The following KCNH1 variants were observed in gnomAD, a reference collection of about 807,000 sequenced individuals.
KCNH1 encodes potassium voltage-gated channel subfamily H member 1, also known as voltage-gated delayed rectifier potassium channel KCNH1.
Under a neutral mutation model 69.2 loss-of-function variants are expected in KCNH1, and 27 were observed. The ratio of observed to expected loss-of-function variants is 0.39; its 90% CI spans 0.29 to 0.54. The LOEUF is 0.54. Ranked by LOEUF, KCNH1 falls within the 20% of genes least tolerant of loss-of-function variation. The pLI, the probability that KCNH1 is intolerant of heterozygous loss-of-function variation, is 0.68. For missense variants in KCNH1, 798 were observed against 1,261.6 expected (o/e 0.63, Z 5.57); for synonymous variants, 456 against 487.7 (o/e 0.93, Z 0.86).
At chr1:210,812,580 A>C (rs1684728533) in intron 7 of KCNH1, among the ~76,000 whole-genome samples, 1 of 152,214 alleles carries the variant, frequency 6.6e-6, no homozygotes, top group South Asian at 2.1e-4. Flanking sequence ...CAGTCTTATC[A>C]TTCTTAATTC....
chr1:211,081,351 C>T (rs1377040887), intron 5 of KCNH1, among the ~76,000 whole-genome samples: 2 of 152,198 alleles, frequency 1.3e-5, no homozygotes, highest in Admixed American at 1.3e-4. Flanking sequence ...GAAATAGGAA[C>T]ACTTCTACAC....
At chr1:210,740,172 A>G (rs1363212985) in intron 10 of KCNH1, among the ~76,000 whole-genome samples, 1 of 152,192 alleles carries the variant, frequency 6.6e-6, no homozygotes, top group East Asian at 1.9e-4. Flanking sequence ...ACAGACAGAT[A>G]AAGATGAACA....
chr1:211,080,146 A>C (rs1690823970), intron 5 of KCNH1, among the ~76,000 whole-genome samples: 1 of 152,212 alleles, frequency 6.6e-6, no homozygotes, highest in Non-Finnish European at 1.5e-5. Flanking sequence ...CAATGTGCAA[A>C]AATCACAAGC....
chr1:210,957,476 C>T (rs922554907), intron 6 of KCNH1, among the ~76,000 whole-genome samples: 9 of 151,850 alleles, frequency 5.9e-5, no homozygotes, highest in African/African-American at 1.2e-4. Context: ...CCTTCTTAAC[C>T]TTCTATCTCC....
intron 9 of KCNH1, among the ~76,000 whole-genome samples, chr1:210,793,966 C>T (rs961496480): frequency 6.6e-5 from 10 of 152,166 alleles, no homozygotes; most frequent in Non-Finnish European, 7.3e-5. Context: ...GCTATATCCC[C>T]ACCCCTATGA....
chr1:211,100,326 A>G (rs186047907), intron 3 of KCNH1, among the ~76,000 whole-genome samples: 5 of 151,992 alleles, frequency 3.3e-5, no homozygotes, highest in Non-Finnish European at 4.4e-5. Flanking sequence ...CTCCAACCTC[A>G]TATTACTTCT....
chr1:210,822,848 C>G (rs1684958216), intron 7 of KCNH1, among the ~76,000 whole-genome samples: 1 of 152,176 alleles, frequency 6.6e-6, no homozygotes, highest in African/African-American at 2.4e-5. Flanking sequence ...GCTTTCACTT[C>G]TGTCTCAACA....
At chr1:210,995,154 T>C (rs1689005226) in intron 6 of KCNH1, among the ~76,000 whole-genome samples, 1 of 152,214 alleles carries the variant, frequency 6.6e-6, no homozygotes, top group South Asian at 2.1e-4. Flanking sequence ...CACACAATTC[T>C]GACCACTGAG....
intron 6 of KCNH1, among the ~76,000 whole-genome samples, chr1:210,930,177 A>G (rs902955411): frequency 6.6e-6 from 1 of 152,192 alleles, no homozygotes; most frequent in Non-Finnish European, 1.5e-5. Flanking sequence ...ACTAGAAAAA[A>G]CAATCCTAAA....
intron 9 of KCNH1, among the ~76,000 whole-genome samples, chr1:210,793,454 T>C (rs1684248535): frequency 6.6e-6 from 1 of 152,264 alleles, no homozygotes. Flanking sequence ...TGCAATGTAA[T>C]ATACATTTCA....
At chr1:211,000,659 C>G (rs971119090) in intron 6 of KCNH1, among the ~76,000 whole-genome samples, 3 of 152,198 alleles carry the variant, frequency 2.0e-5, no homozygotes, top group African/African-American at 7.2e-5. Flanking sequence ...TTGGAAAAAA[C>G]TACTTTAAAG....
intron 10 of KCNH1, among the ~76,000 whole-genome samples, chr1:210,707,960 A>G (rs547904129): frequency 8.5e-5 from 13 of 152,302 alleles, no homozygotes; most frequent in Non-Finnish European, 1.3e-4. Flanking sequence ...TGCTTTAGCT[A>G]TGATACTGGT....
rs1389210055 is a variant in KCNH1, at chr1:210,834,422, A to T, written c.1463-30256T>A. ...AATTGGAAATCATCATTCTCAGTAA[A>T]CTATCGCAAGAACAAAAAACCAAAC... On this transcript the variant is annotated intron_variant, in intron 7 of 10. Coordinates refer to ENST00000271751, the MANE Select transcript of KCNH1 (RefSeq NM_172362.3). Among the ~76,000 whole-genome samples the T allele has an allele frequency of 5.5e-4, 78 of 140,794 alleles. 1 individual carries two copies. The East Asian group carries it at 0.014, about 25-fold the overall frequency. 92.4% of individuals were successfully genotyped at this position (140,794 alleles called of 152,430 possible). A position where few individuals can be genotyped will look rare whatever the true frequency, so the allele number is the denominator to read the frequency against.
chr1:210,862,262 C>T lies in KCNH1; in HGVS notation c.1462+57378G>A, dbSNP rs775235642. On this transcript the variant is annotated intron_variant, in intron 7 of 10. Transcript: ENST00000271751. ...GGGTCCATGGTGCCCCGCAGGGCCT[C>T]GATAATGGTGTTGGGGTCCATTGCA... is the stretch of plus-strand genomic sequence containing the variant. 2.3e-5 allele frequency: 24 copies of T among 1,035,140 alleles called. No homozygotes were observed. In the East Asian group the frequency reaches 2.9e-4, roughly 13 times the overall value. 64.1% of individuals were successfully genotyped at this position (1,035,140 alleles called of 1,614,324 possible).
At chr1:210,780,878 T>C (rs941737561) in intron 9 of KCNH1, among the ~76,000 whole-genome samples, 6 of 152,256 alleles carry the variant, frequency 3.9e-5, no homozygotes, top group African/African-American at 1.4e-4. Flanking sequence ...AAACCCCGTC[T>C]CTACTAAAAA....
intron 4 of KCNH1, among the ~76,000 whole-genome samples, chr1:211,084,020 G>C (rs1690907643): frequency 8.0e-6 from 1 of 125,336 alleles, no homozygotes; most frequent in Admixed American, 8.5e-5. Context: ...GAAGTGCCAG[G>C]CTTTAATAAA....
intron 7 of KCNH1, among the ~76,000 whole-genome samples, chr1:210,836,727 G>T (rs949071819): frequency 6.6e-6 from 1 of 152,158 alleles, no homozygotes; most frequent in Non-Finnish European, 1.5e-5. Context: ...GAATTGTATA[G>T]AAAGACAAAG....
At chr1:210,872,456 T>C (rs1480583474) in intron 7 of KCNH1, among the ~76,000 whole-genome samples, 1 of 152,154 alleles carries the variant, frequency 6.6e-6, no homozygotes, top group Non-Finnish European at 1.5e-5. Flanking sequence ...AGTGTATTAG[T>C]CCATTCCTTC....
chr1:210,967,156 C>CACACTAGGG (rs1688422077), intron 6 of KCNH1, among the ~76,000 whole-genome samples: 1 of 151,818 alleles, frequency 6.6e-6, no homozygotes, highest in African/African-American at 2.4e-5. Flanking sequence ...GGGAACATCA[C>CACACTAGGG]ACACTAGGGA....
Sources: gnomAD v4.1 joint callset for allele counts (sites outside exome capture counted in the v4.1 genomes callset) on GRCh38, gnomAD v4.1.1 for gene constraint, MANE v1.5 for transcripts, NCBI Gene and HGNC (gene_info 2026-07-23, HGNC 2026-07-21) for gene names.